DLG5: variants seen among roughly 807,000 people sequenced by gnomAD.
DLG5 encodes the protein discs large MAGUK scaffold protein 5, also known as disks large homolog 5.
A neutral mutation model predicts 189.8 loss-of-function variants in DLG5; 48 were observed. That is an observed-to-expected ratio of 0.25 (90% confidence interval 0.20 to 0.32). The LOEUF is 0.32. Among genes scored for constraint, DLG5 ranks in the 10% least tolerant of loss-of-function variants. DLG5 has a pLI of 1.00. For missense variants in DLG5, 2,160 were observed against 2,544.7 expected, an observed-to-expected ratio of 0.85 and a Z score of 3.25; for synonymous variants, 1,016 against 1,054.1, an observed-to-expected ratio of 0.96 and a Z score of 0.70.
chr10:77,811,827 T>C (rs1841786486), intron 22 of DLG5, 97 bp downstream of exon 22: 2 of 1,454,856 alleles, frequency 1.4e-6, no homozygotes, highest in Non-Finnish European at 9.1e-7. Flanking sequence ...CCCCAGAACT[T>C]ACGGCTGGCA....
intron 5 of DLG5, 142 bp from the exon 6 acceptor site, chr10:77,843,848 C>G: frequency 9.8e-7 from 1 of 1,018,986 alleles, no homozygotes; most frequent in South Asian, 1.5e-5. Flanking sequence ...TTTTGAGAGT[C>G]TTGAGGTCCA....
intron 1 of DLG5, among the ~76,000 whole-genome samples, chr10:77,899,796 A>G (rs1279181172): frequency 4.6e-5 from 7 of 152,196 alleles, no homozygotes; most frequent in Non-Finnish European, 1.0e-4. Context: ...CCTGCCGCCC[A>G]CTGGAGATGG....
intron 1 of DLG5, among the ~76,000 whole-genome samples, chr10:77,900,403 C>T (rs921088370): frequency 3.3e-5 from 5 of 152,200 alleles, no homozygotes; most frequent in African/African-American, 1.2e-4. Context: ...ACGCACCTAC[C>T]TATCACCTAA....
At chr10:77,819,004 A>G (rs1445524152) in intron 17 of DLG5, among the ~76,000 whole-genome samples, 1 of 152,212 alleles carries the variant, frequency 6.6e-6, no homozygotes, top group Non-Finnish European at 1.5e-5. Context: ...AGAAACAGTA[A>G]TAGGACTTAG....
At chr10:77,937,025 G>C in the DLG5 span, among the ~76,000 whole-genome samples, 1 of 152,012 alleles carries the variant, frequency 6.6e-6, no homozygotes, top group African/African-American at 2.4e-5. Flanking sequence ...GGTCAGCCTA[G>C]TTTTCCAATG....
rs971481940 is a variant in DLG5, at chr10:77,817,792, A to C, written c.3769T>G (p.Ser1257Ala). Residue 1257 changes from serine (S) to alanine (A), a missense_variant, in exon 18 of 32, where the codon TCC (serine) becomes GCC (alanine). Ser to Ala is a moderately conservative substitution (Grantham distance 99, BLOSUM62 1). This residue lies in a region of DLG5 where 754 missense variants were observed against 746.5 expected (regional missense o/e 1.01). Coordinates refer to ENST00000372391, the MANE Select transcript of DLG5 (RefSeq NM_004747.4). ...GTGCAGTTACCCAGGCGGGCGCTGG[A>C]GGGCAGTGAGTTGGACCCATGGGTG... ...RATHGSNSLP[S>A]SARLGSSSNL... 1.3e-6 allele frequency: 2 copies of C among 1,554,328 alleles called. No individual in the cohort carries two copies. Among genetic ancestry groups the C allele is most frequent in the Non-Finnish European group, 1.7e-6 (2 of 1,148,326 alleles).
chr10:77,866,256 TTCTC>T (rs1425591941), intron 2 of DLG5, among the ~76,000 whole-genome samples: 17 of 152,208 alleles, frequency 1.1e-4, no homozygotes, highest in African/African-American at 4.1e-4. Flanking sequence ...TCTGGTTCCC[TTCTC>T]AGGGATGAGG....
chr10:77,828,848 G>A (rs959691171), intron 13 of DLG5, 34 bp downstream of exon 13: 22 of 1,600,844 alleles, frequency 1.4e-5, no homozygotes, highest in African/African-American at 2.7e-5. Context: ...GCCTATGCAC[G>A]GCAGATGACC....
intron 1 of DLG5, among the ~76,000 whole-genome samples, chr10:77,883,489 C>G (rs1472233961): frequency 6.6e-6 from 1 of 152,040 alleles, no homozygotes; most frequent in Non-Finnish European, 1.5e-5. Flanking sequence ...CAGGCTAACA[C>G]AGTCCACTCC....
chr10:77,800,521 G>A (rs897200831), intron 27 of DLG5, among the ~76,000 whole-genome samples: 1 of 151,818 alleles, frequency 6.6e-6, no homozygotes, highest in Non-Finnish European at 1.5e-5. Context: ...GAGAACCCAG[G>A]CACGGGGCCG....
intron 1 of DLG5, among the ~76,000 whole-genome samples, chr10:77,923,759 A>G (rs1028385730): frequency 2.6e-5 from 4 of 152,214 alleles, no homozygotes; most frequent in African/African-American, 9.6e-5. Context: ...CCCTGTCTCA[A>G]AAAAACAAAA....
chr10:77,819,494 C>A (rs777995730), intron 16 of DLG5, 29 bp from the exon 17 acceptor site: 28 of 1,597,404 alleles, frequency 1.8e-5, no homozygotes, highest in Admixed American at 3.4e-5. Context: ...AGAAAAGACG[C>A]CCCAAAGGAC....
Position 77,843,504 on chromosome 10 carries a change from G to C in DLG5, c.1067C>G (p.Thr356Ser), listed in dbSNP as rs750402660. 6.8e-6 allele frequency: 11 copies of C among 1,614,154 alleles called. No homozygotes were observed. The South Asian group carries it at 1.1e-4, about 16-fold the overall frequency. ...CTGGATGGCCGTGTCCCTCTGCTGG[G>C]TCAGCATCTCTGTCTGCTTCAGCAA... is the stretch of plus-strand genomic sequence containing the variant. The part of the protein sequence containing the change: ...QRLLKQTEML[T>S]QQRDTAIQLQ... Residue 356 changes from threonine to serine, a missense_variant, in exon 6 of 32, where the codon ACC (threonine) becomes AGC (serine). Coordinates refer to ENST00000372391, the MANE Select transcript of DLG5 (RefSeq NM_004747.4).
At chr10:77,935,415 C>G in the DLG5 span, among the ~76,000 whole-genome samples, 1 of 152,094 alleles carries the variant, frequency 6.6e-6, no homozygotes, top group Non-Finnish European at 1.5e-5. Flanking sequence ...TGGCAGAATC[C>G]ATTATTCCAC....
At chr10:77,909,604 C>T (rs891194480) in intron 1 of DLG5, among the ~76,000 whole-genome samples, 5 of 152,108 alleles carry the variant, frequency 3.3e-5, no homozygotes, top group Non-Finnish European at 5.9e-5. Flanking sequence ...TTTGTTCTCT[C>T]TCCCTGGGCT....
chr10:77,822,261 T>C (rs888113759), intron 14 of DLG5, among the ~76,000 whole-genome samples, 160 bp from the exon 15 acceptor site: 1 of 152,136 alleles, frequency 6.6e-6, no homozygotes, highest in Non-Finnish European at 1.5e-5. Context: ...CATGAACACA[T>C]ATGCTTCTCC....
intron 1 of DLG5, among the ~76,000 whole-genome samples, chr10:77,875,778 C>A (rs1044607453): frequency 6.6e-6 from 1 of 151,842 alleles, no homozygotes; most frequent in African/African-American, 2.4e-5. Flanking sequence ...GCTTGCAGAA[C>A]CATGCTCAGT....
At chr10:77,869,914 C>T (rs1844832142) in intron 1 of DLG5, among the ~76,000 whole-genome samples, 1 of 151,800 alleles carries the variant, frequency 6.6e-6, no homozygotes, top group East Asian at 2.0e-4. Flanking sequence ...ATAGCTGGGT[C>T]GTGCTGAGCA....
At chr10:77,823,720 G>A (rs1842481985) in intron 14 of DLG5, among the ~76,000 whole-genome samples, 2 of 152,110 alleles carry the variant, frequency 1.3e-5, no homozygotes, top group African/African-American at 4.8e-5. Flanking sequence ...AGTAGAGACG[G>A]GGTTTCTCCA....
Sources: gnomAD v4.1 joint callset for allele counts (sites outside exome capture counted in the v4.1 genomes callset) on GRCh38, gnomAD v4.1.1 for gene constraint, gnomAD v4.1.1 regional missense constraint, MANE v1.5 for transcripts, NCBI Gene and HGNC (gene_info 2026-07-23, HGNC 2026-07-21) for gene names.